Variants in HPSE2 observed in about 807,000 individuals in gnomAD.
The protein encoded by HPSE2 is heparanase 2 (inactive).
A neutral mutation model predicts 60.5 loss-of-function variants in HPSE2; 38 were observed. The observed-to-expected ratio is 0.63, with a 90% CI of 0.48 to 0.82. The LOEUF (loss-of-function observed/expected upper bound fraction) is 0.82. Among genes scored for constraint, HPSE2 ranks in the 40% least tolerant of loss-of-function variants. The pLI is 0.00. For missense variants in HPSE2, 713 were observed against 740.4 expected (o/e 0.96, Z 0.43); for synonymous variants, 295 against 293.2 (o/e 1.01, Z -0.06).
intron 9 of HPSE2, among the ~76,000 whole-genome samples, chr10:98,606,142 G>A (rs936861712): frequency 6.6e-6 from 1 of 152,126 alleles, no homozygotes; most frequent in East Asian, 1.9e-4. Flanking sequence ...CATTTCATCA[G>A]AATCTACAAG....
chr10:99,305,070 C>G, the HPSE2 span, among the ~76,000 whole-genome samples: 2 of 152,152 alleles, frequency 1.3e-5, no homozygotes, highest in East Asian at 3.8e-4. Context: ...GTCACATTTG[C>G]CAATATGGGC....
intron 3 of HPSE2, among the ~76,000 whole-genome samples, chr10:98,756,915 T>C (rs774814953): frequency 3.3e-5 from 5 of 152,158 alleles, no homozygotes; most frequent in East Asian, 1.9e-4. Flanking sequence ...TGAACATAGA[T>C]GCAAAAATCC....
chr10:98,742,440 T>G (rs752547613), intron 4 of HPSE2, among the ~76,000 whole-genome samples: 1 of 151,718 alleles, frequency 6.6e-6, no homozygotes, highest in Non-Finnish European at 1.5e-5. Context: ...ATGGGTTAGC[T>G]AGAGACATAT....
chr10:99,092,332 A>G (rs918932998), intron 3 of HPSE2, among the ~76,000 whole-genome samples: 1 of 152,214 alleles, frequency 6.6e-6, no homozygotes, highest in Non-Finnish European at 1.5e-5. Context: ...TATGTGATAG[A>G]TATTATTGTC....
chr10:99,289,844 T>C, the HPSE2 span, among the ~76,000 whole-genome samples: 2 of 152,180 alleles, frequency 1.3e-5, no homozygotes, highest in Admixed American at 1.3e-4. Flanking sequence ...AAAACTGTAC[T>C]GCTGAAATAA....
At chr10:99,077,747 A>G (rs561406239) in intron 3 of HPSE2, among the ~76,000 whole-genome samples, 32 of 152,020 alleles carry the variant, frequency 2.1e-4, no homozygotes, top group Admixed American at 5.2e-4. Flanking sequence ...TACTACACAC[A>G]CACAAATTTA....
At chr10:98,687,065 AT>A (rs940207286) in intron 6 of HPSE2, among the ~76,000 whole-genome samples, 71 of 151,450 alleles carry the variant, frequency 4.7e-4, no homozygotes, top group African/African-American at 1.4e-3. Context: ...TTTTGTTGTT[AT>A]TTTTTTTCTT....
intron 3 of HPSE2, among the ~76,000 whole-genome samples, chr10:98,778,582 G>A (rs1950398909): frequency 2.0e-5 from 3 of 152,110 alleles, no homozygotes; most frequent in Admixed American, 6.6e-5. Context: ...GGGAGGAGGT[G>A]TAAATGGAAA....
chr10:98,597,980 A>T (rs942866572), intron 9 of HPSE2, among the ~76,000 whole-genome samples: 1 of 114,200 alleles, frequency 8.8e-6, no homozygotes, highest in Non-Finnish European at 2.1e-5. Context: ...CAAAAAAAAA[A>T]AAAAAAAAAA....
intron 5 of HPSE2, among the ~76,000 whole-genome samples, chr10:98,713,177 A>G (rs1268241463): frequency 6.6e-6 from 1 of 152,058 alleles, no homozygotes; most frequent in African/African-American, 2.4e-5. Context: ...ATGTGGTAGA[A>G]GATAAAAATG....
At chr10:98,951,592 A>G (rs904985023) in intron 3 of HPSE2, among the ~76,000 whole-genome samples, 1 of 152,220 alleles carries the variant, frequency 6.6e-6, no homozygotes, top group Admixed American at 6.6e-5. Flanking sequence ...AGGCAGATAA[A>G]CTACGTGTGC....
At chr10:98,715,599 AAG>A (rs1948771718) in intron 5 of HPSE2, among the ~76,000 whole-genome samples, 1 of 152,042 alleles carries the variant, frequency 6.6e-6, no homozygotes, top group African/African-American at 2.4e-5. Context: ...TATTACAATA[AAG>A]AGAGTCACAC....
At chr10:98,548,510 G>C (rs530453587) in intron 9 of HPSE2, among the ~76,000 whole-genome samples, 18 of 152,200 alleles carry the variant, frequency 1.2e-4, no homozygotes, top group Non-Finnish European at 7.4e-5. Context: ...CCAGCTACTT[G>C]GGAGGCTGAG....
At chr10:99,029,749 G>T (rs1388338025) in intron 3 of HPSE2, among the ~76,000 whole-genome samples, 1 of 152,224 alleles carries the variant, frequency 6.6e-6, no homozygotes, top group Admixed American at 6.5e-5. Flanking sequence ...GAGTGTGACC[G>T]TTGAAGCACA....
chr10:98,740,262 A>G (rs983118476), intron 4 of HPSE2, among the ~76,000 whole-genome samples: 1 of 150,984 alleles, frequency 6.6e-6, no homozygotes, highest in African/African-American at 2.4e-5. Context: ...TGCAGCCTCA[A>G]CCTCCCAGGC....
At chr10:98,759,440 T>G (rs1486695436) in intron 3 of HPSE2, among the ~76,000 whole-genome samples, 1 of 152,174 alleles carries the variant, frequency 6.6e-6, no homozygotes, top group African/African-American at 2.4e-5. Flanking sequence ...ATTGTTTTAG[T>G]TTTTCATCCA....
At chr10:98,868,434 T>C (rs987719993) in intron 3 of HPSE2, among the ~76,000 whole-genome samples, 1 of 152,046 alleles carries the variant, frequency 6.6e-6, no homozygotes, top group Non-Finnish European at 1.5e-5. Context: ...ACCCTAGTAT[T>C]TGATAGCACA....
chr10:98,925,381 CT>C (rs1299803388), intron 3 of HPSE2, among the ~76,000 whole-genome samples: 1 of 148,508 alleles, frequency 6.7e-6, no homozygotes, highest in African/African-American at 2.5e-5. Flanking sequence ...TTTTTTGACA[CT>C]GCTCTGGCAG....
the HPSE2 span, among the ~76,000 whole-genome samples, chr10:99,277,186 T>C: frequency 6.6e-6 from 1 of 152,148 alleles, no homozygotes; most frequent in Non-Finnish European, 1.5e-5. Flanking sequence ...ATAAAAACAA[T>C]CATCTCTATC....
Sources: gnomAD v4.1 joint callset for allele counts (sites outside exome capture counted in the v4.1 genomes callset) on GRCh38, gnomAD v4.1.1 for gene constraint, MANE v1.5 for transcripts, NCBI Gene and HGNC (gene_info 2026-07-23, HGNC 2026-07-21) for gene names.